NPHP4: variants seen among roughly 807,000 people sequenced by gnomAD.
NPHP4 encodes the protein nephrocystin 4.
A neutral mutation model predicts 155.8 loss-of-function variants in NPHP4; 151 were observed. That is an observed-to-expected ratio of 0.97 (90% CI 0.85 to 1.11). NPHP4 has a LOEUF of 1.11. Among genes scored for constraint, NPHP4 ranks in the 50% least tolerant of loss-of-function variants. The pLI, the probability that NPHP4 is intolerant of heterozygous loss-of-function variation, is 0.00. For synonymous variants in NPHP4, 845 were observed against 816.8 expected, an observed-to-expected ratio of 1.03 and a Z score of -0.59; for missense variants, 1,956 against 1,925.7, an observed-to-expected ratio of 1.02 and a Z score of -0.29.
chr1:5,879,973 C>T, intron 19 of NPHP4, 141 bp downstream of exon 19: 1 of 1,006,372 alleles, frequency 9.9e-7, no homozygotes, highest in South Asian at 1.6e-5. Context: ...GTCCTAGACG[C>T]AGAGGGGCAC....
chr1:5,863,529 T>C lies in NPHP4; in HGVS notation c.4141-124A>G, dbSNP rs987838363. ...TGACAAGGCAGGGGAGCCCTGCGGGTGCATCCAAGGCCTGCCTTTGACTTC... is the reference window on the plus strand; with the variant it reads ...TGACAAGGCAGGGGAGCCCTGCGGGCGCATCCAAGGCCTGCCTTTGACTTC... On this transcript the variant is annotated intron_variant, in intron 29 of 29. Transcript: ENST00000378156. The C allele has an allele frequency of 2.0e-5, 24 of 1,197,746 alleles. No individual in the cohort carries two copies. The South Asian group carries it at 2.5e-4, about 12-fold the overall frequency. The allele number at this position is 1,197,746 out of a possible 1,614,324, so 74.2% of individuals were successfully genotyped here. A position where few individuals can be genotyped will look rare whatever the true frequency, so the allele number is the denominator to read the frequency against.
At chr1:5,964,895 T>C (rs1651065500) in intron 5 of NPHP4, among the ~76,000 whole-genome samples, 1 of 137,780 alleles carries the variant, frequency 7.3e-6, no homozygotes, top group African/African-American at 2.7e-5. Context: ...ATACTATATA[T>C]AAAATATATA....
rs12084942 is a variant in NPHP4, at chr1:5,967,490, C to A, written c.453-127G>T. 2,079 of 734,472 alleles carry A rather than the reference C, an allele frequency of 2.8e-3. 21 individuals carry two copies. The African/African-American group carries it at 0.031, about 11-fold the overall frequency. 45.5% of individuals were successfully genotyped at this position (734,472 alleles called of 1,614,324 possible). A position where few individuals can be genotyped will look rare whatever the true frequency, so the allele number is the denominator to read the frequency against. ...TAAACTCCACCAGTCCCATCCTCTGCGGAAGGCAGAGGCAGCTGAGGCCAG... is the reference window on the plus strand; with the variant it reads ...TAAACTCCACCAGTCCCATCCTCTGAGGAAGGCAGAGGCAGCTGAGGCCAG... On this transcript the variant is annotated intron_variant, in intron 4 of 29. Transcript: ENST00000378156.
chr1:5,947,136 C>A lies in NPHP4; in HGVS notation c.1087G>T (p.Val363Leu). 1 of 1,613,994 alleles carries A rather than the reference C, an allele frequency of 6.2e-7. No individual in the cohort carries two copies. The highest frequency in any genetic ancestry group is 1.1e-5 in the South Asian group (1 of 91,084). ...AFAVIFQLEY[V>L]FSSPAGVDGN... ...TCCACTCCTGCAGGGCTGCTGAACA[C>A]GTACTCCAGCTGGAAGATGACCGCA... is the stretch of plus-strand genomic sequence containing the variant. The change falls in exon 9 of 30, where the codon GTG becomes TTG. Residue 363 changes from valine (V) to leucine (L), a missense_variant. By Grantham distance (32) the Val-to-Leu change is conservative. Coordinates refer to ENST00000378156, the MANE Select transcript of NPHP4 (RefSeq NM_015102.5).
rs184148852 is a variant in NPHP4, at chr1:5,977,578, G to A, written c.279+692C>T. 1.6e-4 allele frequency among the ~76,000 whole-genome samples: 24 copies of A among 151,854 alleles called. No individual in the cohort carries two copies. The Middle Eastern group carries it at 0.01, about 65-fold the overall frequency. On this transcript the variant is annotated intron_variant, in intron 3 of 29. Transcript: ENST00000378156. Reference sequence around the variant, plus strand: ...CAGTCTGCAGTTCTGTTAGGTGAGCGCCATCATCACCCTGAGCCTAGCATG... The same window carrying A: ...CAGTCTGCAGTTCTGTTAGGTGAGCACCATCATCACCCTGAGCCTAGCATG...
intron 11 of NPHP4, among the ~76,000 whole-genome samples, chr1:5,918,268 T>A (rs2101537341): frequency 6.6e-6 from 1 of 152,292 alleles, no homozygotes. Flanking sequence ...AAGGAAAGTT[T>A]AATATATGCC....
intron 9 of NPHP4, among the ~76,000 whole-genome samples, chr1:5,938,961 G>A (rs1432826991): frequency 3.3e-5 from 5 of 152,166 alleles, no homozygotes; most frequent in African/African-American, 4.8e-5. Flanking sequence ...GAAAATTACT[G>A]TATCTTGTAT....
chr1:5,867,849 C>A lies in NPHP4; in HGVS notation c.3363G>T (p.Leu1121=). 1 of 1,613,894 alleles carries A rather than the reference C, an allele frequency of 6.2e-7. No individual in the cohort carries two copies. Among genetic ancestry groups the A allele is most frequent in the African/African-American group, 1.3e-5 (1 of 75,044 alleles). The stretch of plus-strand genomic sequence containing the variant: ...CCACGTGGGGCTGCAGCTCCACAGT[C>A]AGGCAGAGCACGGCGATGGGCTTGC... ...SGGKPIAVLC[L]TVELQPHVVD... is the part of the protein sequence containing the mutation. Residue 1121 remains leucine (L), a synonymous_variant, in exon 24 of 30, where the codon CTG becomes CTT. Coordinates refer to ENST00000378156, the MANE Select transcript of NPHP4 (RefSeq NM_015102.5). The surrounding 1 kb of genome is among the most constrained non-coding windows in gnomAD (Gnocchi z 4.1).
chr1:5,968,002 G>GT, intron 4 of NPHP4, among the ~76,000 whole-genome samples: 1 of 151,934 alleles, frequency 6.6e-6, no homozygotes, highest in Non-Finnish European at 1.5e-5. Flanking sequence ...CTCCTACACA[G>GT]AGCCTGGCAC....
At chr1:5,873,195 G>A in intron 23 of NPHP4, 57 bp downstream of exon 23, 4 of 1,422,686 alleles carry the variant, frequency 2.8e-6, no homozygotes, top group Non-Finnish European at 4.0e-6. Context: ...ACAAGGGTCA[G>A]GCCCTGGGAA....
At chr1:5,908,761 T>C (rs549727505) in intron 12 of NPHP4, among the ~76,000 whole-genome samples, 12 of 152,290 alleles carry the variant, frequency 7.9e-5, no homozygotes, top group African/African-American at 2.6e-4. Flanking sequence ...GGGACACCAA[T>C]AGCTGCCAGG....
rs375069322 is a variant in NPHP4, at chr1:5,905,527, G to A, written c.1764-44C>T. On this transcript the variant is annotated intron_variant, in intron 14 of 29. Coordinates refer to ENST00000378156, the MANE Select transcript of NPHP4 (RefSeq NM_015102.5). This position sits in a 1 kb window ranked among gnomAD's most constrained non-coding sequence, Gnocchi z 4.0. ...TCAGGTAGCCTCCCGGGAAAGGGGG[G>A]ACCCATTGATGCACCTCCCTGTGGA... 121 of 1,596,828 alleles carry A rather than the reference G, an allele frequency of 7.6e-5. 1 individual carries two copies. The highest frequency in any genetic ancestry group is 6.1e-4 in the East Asian group (27 of 44,572).
intron 17 of NPHP4, chr1:5,888,574 T>G: frequency 7.4e-7 from 1 of 1,351,184 alleles, no homozygotes; most frequent in Non-Finnish European, 9.8e-7. Context: ...TTCCGGAACC[T>G]CAGTCACTGG....
chr1:5,863,772 T>C, intron 29 of NPHP4, 118 bp downstream of exon 29: 1 of 1,145,584 alleles, frequency 8.7e-7, no homozygotes, highest in East Asian at 2.4e-5. Flanking sequence ...GTCACCGCCC[T>C]GGGGCTTTTG....
At chr1:5,958,600 G>T (rs1189748172) in intron 6 of NPHP4, among the ~76,000 whole-genome samples, 1 of 151,788 alleles carries the variant, frequency 6.6e-6, no homozygotes, top group East Asian at 1.9e-4. Context: ...GAGGCTGAGG[G>T]AGGAGGATCA....
At chr1:5,954,821 G>A (rs1648871323) in intron 6 of NPHP4, among the ~76,000 whole-genome samples, 1 of 152,028 alleles carries the variant, frequency 6.6e-6, no homozygotes, top group Non-Finnish European at 1.5e-5. Flanking sequence ...GCTGTGAAAG[G>A]ATTTTTTTAA....
chr1:5,942,530 CAA>C (rs71568632), intron 9 of NPHP4, among the ~76,000 whole-genome samples: 134 of 19,732 alleles, frequency 6.8e-3, no homozygotes, highest in African/African-American at 0.02. Flanking sequence ...GACTCCATCT[CAA>C]AAAAAAAAAA....
At position 5,892,255 on chromosome 1, in the gene NPHP4, C is replaced by T. The variant is rs765863151; in HGVS notation, c.2144-1227G>A. On this transcript the variant is annotated intron_variant, in intron 16 of 29. Coordinates refer to ENST00000378156, the MANE Select transcript of NPHP4 (RefSeq NM_015102.5). The surrounding 1 kb of genome is among the most constrained non-coding windows in gnomAD (Gnocchi z 4.5). ...ATTTCTGCATTTCCAACTGAGGTAC[C>T]GGGATCATCCCACTGGGGCTTGTCG... Among the ~76,000 whole-genome samples, 5 of 152,118 alleles carry T rather than the reference C, an allele frequency of 3.3e-5. No individual in the cohort carries two copies. Among genetic ancestry groups the T allele is most frequent in the Non-Finnish European group, 5.9e-5 (4 of 68,010 alleles).
At chr1:5,898,045 G>A (rs907197380) in intron 16 of NPHP4, among the ~76,000 whole-genome samples, 6 of 152,220 alleles carry the variant, frequency 3.9e-5, no homozygotes, top group South Asian at 2.1e-4. Flanking sequence ...TAGGTGGCCC[G>A]GAGCAGGACT....
Sources: allele counts gnomAD v4.1 joint callset (sites outside exome capture counted in the v4.1 genomes callset), GRCh38; gene constraint gnomAD v4.1.1; non-coding constraint Gnocchi (gnomAD v3.1); transcripts MANE v1.5; gene names NCBI Gene and HGNC (gene_info 2026-07-23, HGNC 2026-07-21).